Variants in OAT observed in about 807,000 individuals in gnomAD.
OAT encodes the protein ornithine aminotransferase, also known as ornithine aminotransferase, mitochondrial.
In OAT, 35 loss-of-function variants were observed where a neutral mutation model predicts 48.4. That is an observed-to-expected ratio of 0.72 (90% confidence interval 0.55 to 0.96). OAT has a LOEUF of 0.96. Ranked by LOEUF, OAT falls within the 40% of genes least tolerant of loss-of-function variation. The pLI is 0.00. For synonymous variants in OAT, 182 were observed against 198.4 expected, an observed-to-expected ratio of 0.92 and a Z score of 0.70; for missense variants, 438 against 537.9, an observed-to-expected ratio of 0.81 and a Z score of 1.84.
rs561442510 is a variant in OAT, at chr10:124,415,507, A to G, written c.-29-3307T>C. On this transcript the variant is annotated intron_variant, in intron 1 of 9. Coordinates refer to ENST00000368845, the MANE Select transcript of OAT (RefSeq NM_000274.4). ...TCAGAAACTGGATGAGCCATGATGT[A>G]TCAAAATCCTGTAAACGCATTTCTA... Among the ~76,000 whole-genome samples the G allele has an allele frequency of 3.3e-5, 5 of 152,358 alleles. No homozygotes were observed. In the South Asian group the frequency reaches 8.3e-4, roughly 25 times the overall value.
At position 124,408,852 on chromosome 10, in the gene OAT, C is replaced by T. The variant is rs755100533; in HGVS notation, c.313G>A (p.Val105Met). ...PKIVNALKSQVDKLTLTSRAF... is the reference protein window; with the variant it reads ...PKIVNALKSQMDKLTLTSRAF... ...CTAGATGTTAAGGTCAATTTGTCCA[C>T]TTGACTCTTCAGAGCATTCACAATC... Residue 105 changes from valine (V) to methionine (M), a missense_variant, in exon 3 of 10, where the codon GTG becomes ATG. By Grantham distance (21) the Val-to-Met change is conservative. Coordinates refer to ENST00000368845, the MANE Select transcript of OAT (RefSeq NM_000274.4). 8 of 1,612,904 alleles carry T rather than the reference C, an allele frequency of 5.0e-6. No individual in the cohort carries two copies. The African/African-American group carries it at 8.0e-5, about 16-fold the overall frequency.
At chr10:124,411,264 C>T (rs1462842860) in intron 2 of OAT, among the ~76,000 whole-genome samples, 1 of 150,462 alleles carries the variant, frequency 6.6e-6, no homozygotes, top group Non-Finnish European at 1.5e-5. Flanking sequence ...AGTGAACACA[C>T]TAAGACCAAA....
At position 124,403,846 on chromosome 10, in the gene OAT, C is replaced by CGG. The variant is rs1468939642; in HGVS notation, c.721_722dup (p.Asp242ArgfsTer6). ...GCACTCCCATTAGGTAACCTGGATC[C>CGG]GGAACAACAACGCCTGCTTCACCCT... On this transcript the variant is annotated frameshift_variant, in exon 6 of 10. Coordinates refer to ENST00000368845, the MANE Select transcript of OAT (RefSeq NM_000274.4). LOFTEE classifies it high-confidence loss of function. 2 of 1,613,960 alleles carry CGG rather than the reference C, an allele frequency of 1.2e-6. No homozygotes were observed. Among genetic ancestry groups the CGG allele is most frequent in the Admixed American group, 1.7e-5 (1 of 59,972 alleles).
At chr10:124,409,035 T>A (rs2134479289) in intron 2 of OAT, 70 bp from the exon 3 acceptor site, 1 of 1,136,888 alleles carries the variant, frequency 8.8e-7, no homozygotes, top group Non-Finnish European at 1.3e-6. Context: ...AAATTAAGAG[T>A]GCTAGCAAGC....
intron 2 of OAT, among the ~76,000 whole-genome samples, chr10:124,411,397 A>G (rs140927096): frequency 6.9e-4 from 105 of 152,328 alleles, no homozygotes; most frequent in African/African-American, 2.4e-3. Flanking sequence ...GAAAAAAATG[A>G]CAGCAATATG....
At position 124,417,832 on chromosome 10, in the gene OAT, T is replaced by C. The variant is rs143479758; in HGVS notation, c.-30+1041A>G. ...TAGTCATTTCTTAAGGTAAAGCCAC[T>C]TCATTCCAAAGTCACTGTCTGTTCG... On this transcript the variant is annotated intron_variant, in intron 1 of 9. Transcript: ENST00000368845. Among the ~76,000 whole-genome samples, 304 of 152,314 alleles carry C rather than the reference T, an allele frequency of 2.0e-3. 2 individuals are homozygous for C. The highest frequency in any genetic ancestry group is 0.014 in the Middle Eastern group (4 of 294).
Position 124,405,461 on chromosome 10 carries a change from G to A in OAT, c.623C>T (p.Pro208Leu). Residue 208 changes from proline (P) to leucine (L), a missense_variant, in exon 5 of 10, where the codon CCC (proline) becomes CTC (leucine). Coordinates refer to ENST00000368845, the MANE Select transcript of OAT (RefSeq NM_000274.4). The part of the protein sequence containing the change: ...GPFMPGFDII[P>L]YNDLPALERA... ...CTCCAGTGCGGGCAGATCATTATAG[G>A]GAATGATGTCGAATCCCGGCATAAA... is the stretch of plus-strand genomic sequence containing the variant. 1 of 1,613,934 alleles carries A rather than the reference G, an allele frequency of 6.2e-7. No individual in the cohort carries two copies. Among genetic ancestry groups the A allele is most frequent in the Non-Finnish European group, 8.5e-7 (1 of 1,179,842 alleles).
rs568532378 is a variant in OAT at position 124,411,811 on chromosome 10, G to A, written c.199+162C>T. Among the ~76,000 whole-genome samples the A allele has an allele frequency of 6.3e-3, 350 of 55,376 alleles. 1 individual carries two copies. Among genetic ancestry groups the A allele is most frequent in the Middle Eastern group, 0.013 (1 of 80 alleles). The allele number at this position is 55,376 out of a possible 152,430, so 36.3% of individuals were successfully genotyped here. A position where few individuals can be genotyped will look rare whatever the true frequency, so the allele number is the denominator to read the frequency against. On this transcript the variant is annotated intron_variant, in intron 2 of 9. Transcript: ENST00000368845. ...AGCCTGGGTGACAGAGTGAGACTCC[G>A]TCTCAAAAAAAAAAAAAAAAAAAGA...
chr10:124,407,843 G>A (rs2134472563), intron 4 of OAT, among the ~76,000 whole-genome samples: 1 of 152,216 alleles, frequency 6.6e-6, no homozygotes, highest in South Asian at 2.1e-4. Flanking sequence ...CAAAATTCAA[G>A]TTATTCCTTT....
intron 8 of OAT, 101 bp downstream of exon 8, chr10:124,401,625 G>A: frequency 1.3e-6 from 1 of 779,222 alleles, no homozygotes; most frequent in South Asian, 1.5e-5. Context: ...CTAATATTTG[G>A]CATTCTTATT....
chr10:124,398,224 G>A (rs1263106770), intron 9 of OAT, 122 bp from the exon 10 acceptor site: 35 of 1,136,726 alleles, frequency 3.1e-5, no homozygotes, highest in Non-Finnish European at 3.6e-5. Context: ...ACTAAGGGAA[G>A]CTTGGGCTGG....
rs1951288324 is a variant in OAT at position 124,398,120 on chromosome 10, A to G, written c.1160-18T>C. On this transcript the variant is annotated intron_variant, in intron 9 of 9. Transcript: ENST00000368845. ...ATCCCAATCTAAAGAAAAATAGTAA[A>G]ACGTACATGCTCAAAGATAAACGTT... 6.2e-7 allele frequency: 1 copy of G among 1,613,664 alleles called. No individual in the cohort carries two copies. The highest frequency in any genetic ancestry group is 1.7e-5 in the Admixed American group (1 of 60,002).
At chr10:124,405,635 AC>A (rs1304070225) in intron 4 of OAT, 72 bp from the exon 5 acceptor site, 2 of 1,593,924 alleles carry the variant, frequency 1.3e-6, no homozygotes, top group Admixed American at 1.7e-5. Flanking sequence ...CCCGCAAAAC[AC>A]CACAAGAAGT....
intron 1 of OAT, among the ~76,000 whole-genome samples, chr10:124,417,237 A>G (rs1589723861): frequency 6.6e-6 from 1 of 151,736 alleles, no homozygotes; most frequent in South Asian, 2.1e-4. Context: ...GGGGATGCAA[A>G]ACTAATCTTA....
Position 124,400,872 on chromosome 10 carries a change from A to T in OAT, c.1127T>A (p.Leu376Ter). 1 of 1,604,856 alleles carries T rather than the reference A, an allele frequency of 6.2e-7. No homozygotes were observed. The highest frequency in any genetic ancestry group is 8.5e-7 in the Non-Finnish European group (1 of 1,173,484). ...DVVTAVRGKG[L>*]LNAIVIKETK... ...TTCTTTAATGACAATAGCGTTTAAT[A>T]ATCCTTTTCCTCTTACGGCAGTTAC... Residue 376 changes from leucine (L) to a stop codon, truncating the protein, a stop_gained, in exon 9 of 10, where the codon TTA becomes TAA. Coordinates refer to ENST00000368845, the MANE Select transcript of OAT (RefSeq NM_000274.4). LOFTEE classifies it high-confidence loss of function.
At chr10:124,415,457 G>A (rs1266756876) in intron 1 of OAT, among the ~76,000 whole-genome samples, 1 of 152,058 alleles carries the variant, frequency 6.6e-6, no homozygotes, top group African/African-American at 2.4e-5. Context: ...GATGAATTCT[G>A]GATATTTAAT....
chr10:124,407,095 T>C (rs962629862), intron 4 of OAT: 1 of 985,440 alleles, frequency 1.0e-6, no homozygotes, highest in African/African-American at 1.7e-5. Context: ...CGTTTCTAAA[T>C]ACTATTCTTG....
At chr10:124,406,633 T>C (rs1243757392) in intron 4 of OAT, among the ~76,000 whole-genome samples, 1 of 151,802 alleles carries the variant, frequency 6.6e-6, no homozygotes, top group Non-Finnish European at 1.5e-5. Context: ...CTGGTTAACA[T>C]GGCAAAACCC....
At chr10:124,417,715 G>A (rs569124019) in intron 1 of OAT, among the ~76,000 whole-genome samples, 3 of 152,296 alleles carry the variant, frequency 2.0e-5, no homozygotes, top group Admixed American at 2.0e-4. Context: ...ACAATCTAAA[G>A]AACAGTTCCG....
Sources: gnomAD v4.1 joint callset for allele counts (sites outside exome capture counted in the v4.1 genomes callset) on GRCh38, gnomAD v4.1.1 for gene constraint, MANE v1.5 for transcripts, NCBI Gene and HGNC (gene_info 2026-07-23, HGNC 2026-07-21) for gene names.